The following SBF2 variants were observed in gnomAD, a reference collection of about 807,000 sequenced individuals.
The protein encoded by SBF2 is SET binding factor 2.
In SBF2, 112 loss-of-function variants were observed where a neutral mutation model predicts 225.2. That is an observed-to-expected ratio of 0.50 (90% confidence interval 0.43 to 0.58). The LOEUF (loss-of-function observed/expected upper bound fraction) is 0.58. SBF2 is among the 20% of genes least tolerant of loss of function. SBF2 has a pLI of 0.00. For missense variants in SBF2, 1,996 were observed against 2,206.2 expected (o/e 0.90, Z 1.91); for synonymous variants, 763 against 773.3 (o/e 0.99, Z 0.22).
intron 2 of SBF2, among the ~76,000 whole-genome samples, chr11:10,045,896 A>G (rs988767757): frequency 4.6e-5 from 7 of 152,220 alleles, no homozygotes; most frequent in African/African-American, 1.7e-4. Flanking sequence ...GGAAGAAGTT[A>G]CAGTCAGCCC....
intron 16 of SBF2, among the ~76,000 whole-genome samples, chr11:9,934,027 A>G (rs1236213246): frequency 6.6e-6 from 1 of 152,114 alleles, no homozygotes; most frequent in Non-Finnish European, 1.5e-5. Flanking sequence ...GCTTGCAGTG[A>G]GCTGAGATTG....
chr11:10,297,806 T>C (rs1329200511), upstream of SBF2, among the ~76,000 whole-genome samples: 3 of 152,244 alleles, frequency 2.0e-5, no homozygotes, highest in Non-Finnish European at 4.4e-5. Context: ...CACTGTGTGT[T>C]TGTATATACA....
At chr11:10,031,681 G>A (rs974280986) in intron 3 of SBF2, among the ~76,000 whole-genome samples, 2 of 152,190 alleles carry the variant, frequency 1.3e-5, no homozygotes, top group African/African-American at 2.4e-5. Context: ...TGGCAGTAAA[G>A]CACAATCGGC....
At chr11:10,050,965 G>C (rs931256345) in intron 2 of SBF2, among the ~76,000 whole-genome samples, 6 of 151,984 alleles carry the variant, frequency 3.9e-5, no homozygotes, top group African/African-American at 1.5e-4. Flanking sequence ...AACTACAGCA[G>C]ATCTATTAAA....
intron 6 of SBF2, among the ~76,000 whole-genome samples, chr11:10,013,454 T>C (rs1310418652): frequency 6.6e-6 from 1 of 152,234 alleles, no homozygotes; most frequent in Non-Finnish European, 1.5e-5. Context: ...AGTTCTAGCA[T>C]GAATAAATGT....
At position 10,287,626 on chromosome 11, in the gene SBF2, T is replaced by G. The variant is rs76427113; in HGVS notation, c.55+6389A>C. Among the ~76,000 whole-genome samples, 46 of 152,294 alleles carry G rather than the reference T, an allele frequency of 3.0e-4. No individual in the cohort carries two copies. In the East Asian group the frequency reaches 8.5e-3, roughly 28 times the overall value. On this transcript the variant is annotated intron_variant, in intron 1 of 39. Coordinates refer to ENST00000256190, the MANE Select transcript of SBF2 (RefSeq NM_030962.4). Reference sequence around the variant, plus strand: ...GTGGCTACACTAATGTATGTATTTGTCAAAACTCACTGAAATGTTCACTTA... The same window carrying G: ...GTGGCTACACTAATGTATGTATTTGGCAAAACTCACTGAAATGTTCACTTA...
intron 1 of SBF2, among the ~76,000 whole-genome samples, chr11:10,261,366 C>T (rs912639626): frequency 6.6e-6 from 1 of 152,170 alleles, no homozygotes; most frequent in Non-Finnish European, 1.5e-5. Context: ...CCATACCCAA[C>T]TTATTTTTAT....
intron 2 of SBF2, among the ~76,000 whole-genome samples, chr11:10,056,492 TG>T (rs1950260571): frequency 6.6e-6 from 1 of 152,222 alleles, no homozygotes; most frequent in South Asian, 2.1e-4. Context: ...TAATTATTTT[TG>T]TGTGTCACAG....
At chr11:10,050,343 G>C (rs553778462) in intron 2 of SBF2, among the ~76,000 whole-genome samples, 1 of 152,126 alleles carries the variant, frequency 6.6e-6, no homozygotes, top group Non-Finnish European at 1.5e-5. Context: ...CTTATCCATG[G>C]AGGATATGTT....
chr11:9,894,198 A>G (rs912507511), intron 17 of SBF2, among the ~76,000 whole-genome samples: 3 of 152,222 alleles, frequency 2.0e-5, no homozygotes, highest in African/African-American at 4.8e-5. Context: ...CCTGGGCAAC[A>G]TGGTGAAACT....
At chr11:10,225,254 T>C (rs1398432056) in intron 1 of SBF2, among the ~76,000 whole-genome samples, 1 of 151,886 alleles carries the variant, frequency 6.6e-6, no homozygotes, top group African/African-American at 2.4e-5. Flanking sequence ...AATATACCAA[T>C]TTGAGAATAT....
chr11:9,963,583 G>C (rs1004745684), intron 15 of SBF2, among the ~76,000 whole-genome samples, 190 bp downstream of exon 15: 5 of 152,078 alleles, frequency 3.3e-5, no homozygotes, highest in African/African-American at 1.2e-4. Flanking sequence ...ATTTCTGGTG[G>C]TCATATAATT....
rs936194309 is a variant in SBF2 at position 9,976,323 on chromosome 11, C to T, written c.1396-7778G>A. Among the ~76,000 whole-genome samples, 4 of 152,104 alleles carry T rather than the reference C, an allele frequency of 2.6e-5. 1 individual carries two copies. In the South Asian group the frequency reaches 6.2e-4, roughly 24 times the overall value. On this transcript the variant is annotated intron_variant, in intron 13 of 39. Transcript: ENST00000256190. ...TCCTGACCTCATGATCTGCCCGCCT[C>T]GGTCTTCCAAAGTGCTGGGATTACA...
chr11:10,280,114 C>T (rs1254699097), intron 1 of SBF2, among the ~76,000 whole-genome samples: 4 of 152,030 alleles, frequency 2.6e-5, no homozygotes, highest in African/African-American at 4.8e-5. Flanking sequence ...ATCCAAAATG[C>T]TCTAATGAGC....
rs140732722 is a variant in SBF2, at chr11:9,984,186, A to C, written c.1395+5311T>G. Among the ~76,000 whole-genome samples, 1,378 of 152,360 alleles carry C rather than the reference A, an allele frequency of 9.0e-3. 89 individuals are homozygous for C. The highest frequency in any genetic ancestry group is 0.081 in the Admixed American group (1,247 of 15,302). The stretch of plus-strand genomic sequence containing the variant: ...GCAAGGAAATCCAAAAAATGATACA[A>C]GAAGTGAATGGAGAAATATTCATAG... On this transcript the variant is annotated intron_variant, in intron 13 of 39. Transcript: ENST00000256190.
intron 17 of SBF2, among the ~76,000 whole-genome samples, chr11:9,872,653 G>A (rs1410166472): frequency 3.9e-5 from 6 of 152,052 alleles, no homozygotes; most frequent in South Asian, 2.1e-4. Context: ...AAACACTGAC[G>A]TGTGGATCGG....
intron 13 of SBF2, among the ~76,000 whole-genome samples, chr11:9,980,073 C>G (rs112291856): frequency 0.04 from 6,062 of 149,806 alleles, 150 homozygotes; most frequent in Middle Eastern, 0.12. Context: ...CTCTGCCTCC[C>G]GGGTTCAAGC....
At chr11:10,134,785 C>G (rs1410306527) in intron 2 of SBF2, among the ~76,000 whole-genome samples, 2 of 152,176 alleles carry the variant, frequency 1.3e-5, no homozygotes, top group African/African-American at 4.8e-5. Context: ...GGTATAGCCT[C>G]CCTCCTGGCT....
At position 10,013,326 on chromosome 11, in the gene SBF2, C is replaced by T. The variant is rs373197093; in HGVS notation, c.620-10637G>A. Among the ~76,000 whole-genome samples, 11 of 152,216 alleles carry T rather than the reference C, an allele frequency of 7.2e-5. No homozygotes were observed. In the East Asian group the frequency reaches 9.6e-4, roughly 13 times the overall value. ...AATTCCACTCCATCTGGTAGCAAAG[C>T]TGGTTTTCTACCCAGCCCTACTCTG... On this transcript the variant is annotated intron_variant, in intron 6 of 39. Transcript: ENST00000256190.
Sources: allele counts gnomAD v4.1 joint callset (sites outside exome capture counted in the v4.1 genomes callset), GRCh38; gene constraint gnomAD v4.1.1; transcripts MANE v1.5; gene names NCBI Gene and HGNC (gene_info 2026-07-23, HGNC 2026-07-21).